The following ZFP14 variants were observed in gnomAD, a reference collection of about 807,000 sequenced individuals.
The protein encoded by ZFP14 is ZFP14 zinc finger protein.
In ZFP14, 22 loss-of-function variants were observed where a neutral mutation model predicts 54.5. That is an observed-to-expected ratio of 0.40 (90% CI 0.29 to 0.58). The LOEUF (loss-of-function observed/expected upper bound fraction) is 0.58, where lower values mean the gene tolerates loss of function less well. ZFP14 is among the 20% of genes least tolerant of loss of function. ZFP14 has a pLI of 0.39. For synonymous variants in ZFP14, 159 were observed against 204.0 expected (o/e 0.78, Z 1.88); for missense variants, 470 against 637.8 (o/e 0.74, Z 2.83).
At position 36,350,338 on chromosome 19, in the gene ZFP14, G is replaced by A. The variant is rs776947770; in HGVS notation, c.236-8748C>T. 6.3e-5 allele frequency among the ~76,000 whole-genome samples: 9 copies of A among 141,798 alleles called. 2 individuals are homozygous for A. The highest frequency in any genetic ancestry group is 3.6e-4 in the Admixed American group (5 of 13,758). 93.0% of individuals were successfully genotyped at this position (141,798 alleles called of 152,430 possible). A position where few individuals can be genotyped will look rare whatever the true frequency, so the allele number is the denominator to read the frequency against. On this transcript the variant is annotated intron_variant, in intron 4 of 4. Coordinates refer to ENST00000270001, the MANE Select transcript of ZFP14 (RefSeq NM_020917.3). The stretch of plus-strand genomic sequence containing the variant: ...ATTCCTAGCTGAGCCTAGTGACTCA[G>A]GCCTGTAATCTCAACAATTTGGGAA...
chr19:36,374,265 C>T (rs371281990), intron 1 of ZFP14, among the ~76,000 whole-genome samples: 4 of 151,934 alleles, frequency 2.6e-5, no homozygotes, highest in South Asian at 2.1e-4. Flanking sequence ...CCAAGACAGG[C>T]GGATCACCTG....
rs2031298263 is a variant in ZFP14 at position 36,340,880 on chromosome 19, C to G, written c.946G>C (p.Glu316Gln). The change falls in exon 5 of 5, where the codon GAA becomes CAA. Residue 316 changes from glutamate to glutamine, a missense_variant. Coordinates refer to ENST00000270001, the MANE Select transcript of ZFP14 (RefSeq NM_020917.3). The surrounding 1 kb of genome is among the most constrained non-coding windows in gnomAD (Gnocchi z 5.4). ...HTAEKLYECK[E>Q]CGKAFVCGPD... ...CCACATACGAAGGCTTTCCCACATT[C>G]CTTACATTCATAGAGCTTTTCAGCA... 2 of 1,613,884 alleles carry G rather than the reference C, an allele frequency of 1.2e-6. No homozygotes were observed. Among genetic ancestry groups the G allele is most frequent in the African/African-American group, 2.7e-5 (2 of 74,866 alleles).
At chr19:36,351,585 G>A (rs181552261) in intron 4 of ZFP14, among the ~76,000 whole-genome samples, 7 of 143,554 alleles carry the variant, frequency 4.9e-5, no homozygotes, top group South Asian at 2.2e-4. Context: ...TAAGGGTTGC[G>A]TACAGTGGCT....
intron 2 of ZFP14, among the ~76,000 whole-genome samples, chr19:36,363,934 G>A (rs2031752195): frequency 6.6e-6 from 1 of 151,614 alleles, no homozygotes; most frequent in Non-Finnish European, 1.5e-5. Context: ...AGGTTGCAGT[G>A]AGCTGAGATC....
intron 2 of ZFP14, among the ~76,000 whole-genome samples, chr19:36,366,272 A>C (rs2031793623): frequency 6.6e-6 from 1 of 152,070 alleles, no homozygotes; most frequent in South Asian, 2.1e-4. Flanking sequence ...TGTCTCAAAA[A>C]AAAAAAATTG....
At chr19:36,376,864 A>G (rs953758267) in intron 1 of ZFP14, among the ~76,000 whole-genome samples, 1 of 152,156 alleles carries the variant, frequency 6.6e-6, no homozygotes, top group Non-Finnish European at 1.5e-5. Context: ...GATTAAATAA[A>G]TTGCCCCAAG....
intron 4 of ZFP14, among the ~76,000 whole-genome samples, chr19:36,345,426 T>C (rs950338808): frequency 1.5e-4 from 23 of 152,274 alleles, no homozygotes; most frequent in African/African-American, 5.5e-4. Context: ...TACAGCAGAA[T>C]GACTATCAAA....
Position 36,336,374 on chromosome 19 carries a change from G to A in ZFP14, c.*3850C>T, listed in dbSNP as rs1441387171. 1 of 151,538 alleles carries A rather than the reference G, an allele frequency of 6.6e-6. No individual in the cohort carries two copies. The highest frequency in any genetic ancestry group is 6.6e-5 in the Admixed American group (1 of 15,204). 9.4% of individuals were successfully genotyped at this position (151,538 alleles called of 1,614,324 possible). ...CCTGCCTTAGCCTCCCAAGTAGCTG[G>A]GATTACAGGCATGCACCACCATGCC... On this transcript the variant is annotated 3_prime_UTR_variant, in exon 5 of 5. Coordinates refer to ENST00000270001, the MANE Select transcript of ZFP14 (RefSeq NM_020917.3).
chr19:36,340,503 C>G lies in ZFP14; in HGVS notation c.1323G>C (p.Gln441His). 6.2e-7 allele frequency: 1 copy of G among 1,613,342 alleles called. No individual in the cohort carries two copies. Among genetic ancestry groups the G allele is most frequent in the Non-Finnish European group, 8.5e-7 (1 of 1,179,664 alleles). Reference protein sequence around the residue: ...KAFRLLSQLTQHQSIHTGEKP... With the variant: ...KAFRLLSQLTHHQSIHTGEKP... ...TCTCACCAGTGTGAATACTTTGATG[C>G]TGAGTAAGTTGTGAGAGCAGTCTAA... Residue 441 changes from glutamine (Q) to histidine (H), a missense_variant, in exon 5 of 5, where the codon CAG becomes CAC. Transcript: ENST00000270001. This position sits in a 1 kb window ranked among gnomAD's most constrained non-coding sequence, Gnocchi z 5.4.
intron 4 of ZFP14, among the ~76,000 whole-genome samples, chr19:36,346,149 G>A (rs1287077693): frequency 6.6e-6 from 1 of 151,996 alleles, no homozygotes; most frequent in Non-Finnish European, 1.5e-5. Context: ...GCCAGGCATG[G>A]TGGTGCTTGC....
chr19:36,349,628 C>T (rs1176600276), intron 4 of ZFP14, among the ~76,000 whole-genome samples: 1 of 149,816 alleles, frequency 6.7e-6, no homozygotes, highest in Non-Finnish European at 1.5e-5. Flanking sequence ...GATGGCACCA[C>T]TGCACTCCAG....
chr19:36,340,860 T>C lies in ZFP14; in HGVS notation c.966A>G (p.Val322=). ...YECKECGKAF[V]CGPDLRVHQK... is the part of the protein sequence containing the mutation. ...GATGTACTCTAAGGTCTGGACCACA[T>C]ACGAAGGCTTTCCCACATTCCTTAC... is the stretch of plus-strand genomic sequence containing the variant. Residue 322 remains valine, a synonymous_variant, in exon 5 of 5, where the codon GTA becomes GTG. Coordinates refer to ENST00000270001, the MANE Select transcript of ZFP14 (RefSeq NM_020917.3). The surrounding 1 kb of genome is among the most constrained non-coding windows in gnomAD (Gnocchi z 5.4). The C allele has an allele frequency of 6.2e-7, 1 of 1,614,004 alleles. No homozygotes were observed. The highest frequency in any genetic ancestry group is 1.7e-4 in the Middle Eastern group (1 of 6,060).
At chr19:36,366,595 G>T (rs2031798743) in intron 2 of ZFP14, among the ~76,000 whole-genome samples, 1 of 152,082 alleles carries the variant, frequency 6.6e-6, no homozygotes, top group African/African-American at 2.4e-5. Flanking sequence ...GGGATTACAG[G>T]CATGAGCCAC....
rs189190863 is a variant in ZFP14 at position 36,352,898 on chromosome 19, G to A, written c.235+7537C>T. On this transcript the variant is annotated intron_variant, in intron 4 of 4. Coordinates refer to ENST00000270001, the MANE Select transcript of ZFP14 (RefSeq NM_020917.3). ...GGAGCTTGCAGTGAGCCGAGATCGC[G>A]CCACTGCACTCCAGCCCGGGCGACA... Among the ~76,000 whole-genome samples, 147 of 136,476 alleles carry A rather than the reference G, an allele frequency of 1.1e-3. 8 individuals are homozygous for A. Among genetic ancestry groups the A allele is most frequent in the African/African-American group, 3.7e-3 (137 of 36,788 alleles). 89.5% of individuals were successfully genotyped at this position (136,476 alleles called of 152,430 possible). A position where few individuals can be genotyped will look rare whatever the true frequency, so the allele number is the denominator to read the frequency against.
At chr19:36,349,243 C>CA (rs1197267850) in intron 4 of ZFP14, among the ~76,000 whole-genome samples, 2 of 48,108 alleles carry the variant, frequency 4.2e-5, no homozygotes, top group African/African-American at 2.4e-4. Context: ...AAAAAAAAAA[C>CA]AAAAAAAAAA....
At chr19:36,358,549 CT>C (rs2031659801) in intron 4 of ZFP14, among the ~76,000 whole-genome samples, 1 of 152,054 alleles carries the variant, frequency 6.6e-6, no homozygotes, top group African/African-American at 2.4e-5. Context: ...TTATGTCTTC[CT>C]TTTTGATCTT....
rs576875268 is a variant in ZFP14, at chr19:36,352,052, T to C, written c.235+8383A>G. ...CAAAAAAATTAGCGGGGCGTGGTGG[T>C]GAGCGCCTGTAGTCCCAGCTACTCG... On this transcript the variant is annotated intron_variant, in intron 4 of 4. Coordinates refer to ENST00000270001, the MANE Select transcript of ZFP14 (RefSeq NM_020917.3). Among the ~76,000 whole-genome samples the C allele has an allele frequency of 5.3e-3, 740 of 140,468 alleles. 79 individuals carry two copies. Among genetic ancestry groups the C allele is most frequent in the African/African-American group, 0.019 (708 of 38,208 alleles). 92.2% of individuals were successfully genotyped at this position (140,468 alleles called of 152,430 possible). A position where few individuals can be genotyped will look rare whatever the true frequency, so the allele number is the denominator to read the frequency against.
chr19:36,373,479 A>G (rs2031911325), intron 1 of ZFP14, among the ~76,000 whole-genome samples: 2 of 152,120 alleles, frequency 1.3e-5, no homozygotes, highest in African/African-American at 2.4e-5. Flanking sequence ...CTATTATACA[A>G]CATGGTGATA....
rs892245898 is a variant in ZFP14 at position 36,336,855 on chromosome 19, T to C, written c.*3369A>G. On this transcript the variant is annotated 3_prime_UTR_variant, in exon 5 of 5. Coordinates refer to ENST00000270001, the MANE Select transcript of ZFP14 (RefSeq NM_020917.3). ...TTTTATTATTGAAATTTCAAACACA[T>C]ACAAAAGTAGAAATATTAGAACAAT... 1 of 152,074 alleles carries C rather than the reference T, an allele frequency of 6.6e-6. No individual in the cohort carries two copies. The highest frequency in any genetic ancestry group is 1.5e-5 in the Non-Finnish European group (1 of 68,048). 9.4% of individuals were successfully genotyped at this position (152,074 alleles called of 1,614,324 possible).
Sources: allele counts gnomAD v4.1 joint callset (sites outside exome capture counted in the v4.1 genomes callset), GRCh38; gene constraint gnomAD v4.1.1; non-coding constraint Gnocchi (gnomAD v3.1); transcripts MANE v1.5; gene names NCBI Gene and HGNC (gene_info 2026-07-23, HGNC 2026-07-21).